Variants in FRY observed in about 807,000 individuals in gnomAD.
FRY encodes the protein protein furry homolog.
Under a neutral mutation model 348.4 loss-of-function variants are expected in FRY, and 128 were observed. That is an observed-to-expected ratio of 0.37 (90% CI 0.32 to 0.43). The LOEUF is 0.43. Ranked by LOEUF, FRY falls within the 20% of genes least tolerant of loss-of-function variation. The pLI is 1.00. For synonymous variants in FRY, 1,370 were observed against 1,374.7 expected (o/e 1.00, Z 0.08); for missense variants, 2,736 against 3,695.2 (o/e 0.74, Z 6.73).
At chr13:32,274,397 A>G (rs1458317875) in intron 55 of FRY, among the ~76,000 whole-genome samples, 1 of 152,184 alleles carries the variant, frequency 6.6e-6, no homozygotes, top group African/African-American at 2.4e-5. Context: ...GTAAACATAT[A>G]CAATTTTTAT....
intron 33 of FRY, among the ~76,000 whole-genome samples, chr13:32,210,611 C>G (rs970240905): frequency 6.6e-6 from 1 of 152,026 alleles, no homozygotes; most frequent in Non-Finnish European, 1.5e-5. Flanking sequence ...ATTCACGTAC[C>G]TCAAAAGTAA....
chr13:32,223,178 G>A (rs966427701), intron 36 of FRY, among the ~76,000 whole-genome samples: 11 of 151,884 alleles, frequency 7.2e-5, no homozygotes, highest in Non-Finnish European at 1.5e-4. Flanking sequence ...GGCTGGTCTC[G>A]AACTCCTGAC....
At chr13:32,159,837 T>C (rs1364739872) in intron 16 of FRY, among the ~76,000 whole-genome samples, 2 of 152,240 alleles carry the variant, frequency 1.3e-5, no homozygotes, top group African/African-American at 4.8e-5. Flanking sequence ...GCTCTAACAC[T>C]GTACAGCTAT....
chr13:32,173,244 A>G (rs1882193153), intron 18 of FRY, 123 bp from the exon 19 acceptor site: 1 of 710,918 alleles, frequency 1.4e-6, no homozygotes, highest in African/African-American at 1.8e-5. Context: ...TCTGGTTCTA[A>G]ACCATGGTCA....
In FRY at chr13:32,236,162, G is replaced by A. The variant is rs1045719298; in HGVS notation, c.5800G>A (p.Val1934Ile). 1.9e-6 allele frequency: 3 copies of A among 1,610,466 alleles called. No individual in the cohort carries two copies. Among genetic ancestry groups the A allele is most frequent in the African/African-American group, 1.3e-5 (1 of 74,822 alleles). ...DCLKNSDLLT[V>I]LSRSSSPDLS... ...CTTGAAGAACAGTGACCTCCTAACT[G>A]TATTGTCCCGGTGAGAATCAGCTTA... is the stretch of plus-strand genomic sequence containing the variant. Residue 1934 changes from valine to isoleucine, a missense_variant, in exon 43 of 61, where the codon GTA (valine) becomes ATA (isoleucine). Coordinates refer to ENST00000542859, the MANE Select transcript of FRY (RefSeq NM_023037.3).
intron 41 of FRY, among the ~76,000 whole-genome samples, chr13:32,233,530 A>G (rs1886031918): frequency 6.6e-6 from 1 of 152,092 alleles, no homozygotes; most frequent in Admixed American, 6.5e-5. Context: ...CAAAAGTTTA[A>G]ATTATGGCTG....
intron 13 of FRY, among the ~76,000 whole-genome samples, chr13:32,148,974 A>G (rs924704271): frequency 7.3e-5 from 11 of 151,548 alleles, no homozygotes; most frequent in Admixed American, 2.0e-4. Flanking sequence ...TGCTTTGTTT[A>G]TTCTGGAATA....
intron 3 of FRY, among the ~76,000 whole-genome samples, chr13:32,103,083 G>C (rs1319965928): frequency 1.3e-5 from 2 of 152,170 alleles, no homozygotes; most frequent in African/African-American, 4.8e-5. Context: ...TCTATTTTAT[G>C]AGCTGTTCTG....
At chr13:32,224,188 T>C in intron 36 of FRY, 47 bp from the exon 37 acceptor site, 1 of 1,510,756 alleles carries the variant, frequency 6.6e-7, no homozygotes, top group Non-Finnish European at 9.2e-7. Flanking sequence ...AGAAAACAAG[T>C]CTCCTCTCCC....
chr13:32,263,369 A>G (rs1271440426), intron 53 of FRY, among the ~76,000 whole-genome samples: 1 of 152,236 alleles, frequency 6.6e-6, no homozygotes, highest in Non-Finnish European at 1.5e-5. Context: ...TAGATCAGAA[A>G]TCTAGGAAAA....
rs138371641 is a variant in FRY at position 32,251,898 on chromosome 13, G to A, written c.7191G>A (p.Leu2397=). The part of the protein sequence containing the change: ...QYSQKRTKEK[L]VHVLSLCGQE... ...TCCAGAAGAGAACAAAAGAGAAGTT[G>A]GTACATGTCCTTTCTCTGTGTGGCC... Residue 2397 remains leucine, a synonymous_variant, in exon 50 of 61, where the codon TTG becomes TTA. Transcript: ENST00000542859. 8 of 1,612,594 alleles carry A rather than the reference G, an allele frequency of 5.0e-6. No homozygotes were observed. The East Asian group carries it at 1.6e-4, about 31-fold the overall frequency.
chr13:32,132,812 T>G (rs574053263), intron 8 of FRY, among the ~76,000 whole-genome samples: 5 of 152,266 alleles, frequency 3.3e-5, no homozygotes, highest in African/African-American at 1.2e-4. Flanking sequence ...GATGAATGGA[T>G]AGATAAAATG....
intron 32 of FRY, among the ~76,000 whole-genome samples, chr13:32,209,348 TA>T (rs770726475): frequency 6.6e-6 from 1 of 152,108 alleles, no homozygotes; most frequent in African/African-American, 2.4e-5. Flanking sequence ...AGAATGATAA[TA>T]AAAATAAAAA....
intron 39 of FRY, 113 bp downstream of exon 39, chr13:32,226,087 T>C: frequency 2.4e-6 from 2 of 829,022 alleles, no homozygotes; most frequent in Non-Finnish European, 4.1e-6. Context: ...CCTCCAACTT[T>C]CCACGTGGTA....
Position 32,239,887 on chromosome 13 carries a change from C to CTTTTTTTTTTTTTTTTTTTTTT in FRY, c.6687+17_6687+18insTTTTTTTTTTTTTTTTTTTTTT. 7.9e-7 allele frequency: 1 copy of CTTTTTTTTTTTTTTTTTTTTTT among 1,260,068 alleles called. No homozygotes were observed. Among genetic ancestry groups the CTTTTTTTTTTTTTTTTTTTTTT allele is most frequent in the Non-Finnish European group, 1.1e-6 (1 of 909,008 alleles). The allele number at this position is 1,260,068 out of a possible 1,614,324, so 78.1% of individuals were successfully genotyped here. A position where few individuals can be genotyped will look rare whatever the true frequency, so the allele number is the denominator to read the frequency against. ...TGGTTACCTACCTGGCAGAGGTAAG[C>CTTTTTTTTTTTTTTTTTTTTTT]TTTTTTTTTTTGTTTTTTGAGACAG... On this transcript the variant is annotated splice_region_variant and intron_variant, in intron 46 of 60. Transcript: ENST00000542859. The surrounding 1 kb of genome is among the most constrained non-coding windows in gnomAD (Gnocchi z 4.3).
In FRY at chr13:32,274,102, A is replaced by C. The variant is rs183378940; in HGVS notation, c.8137-740A>C. ...TCCACGCATTGGGAAATGGTATTTC[A>C]GGAAGAAATGTCCACACTGAATGAT... On this transcript the variant is annotated intron_variant, in intron 55 of 60. Transcript: ENST00000542859. Among the ~76,000 whole-genome samples, 344 of 152,354 alleles carry C rather than the reference A, an allele frequency of 2.3e-3. 1 individual carries two copies. The highest frequency in any genetic ancestry group is 3.6e-3 in the Admixed American group (55 of 15,300).
At chr13:32,272,831 G>A (rs891865370) in intron 55 of FRY, among the ~76,000 whole-genome samples, 3 of 152,000 alleles carry the variant, frequency 2.0e-5, no homozygotes, top group African/African-American at 7.3e-5. Flanking sequence ...CACCTCCCGG[G>A]TTCAAGCAAT....
chr13:32,102,083 A>G (rs1877199224), intron 3 of FRY, 67 bp downstream of exon 3: 25 of 885,314 alleles, frequency 2.8e-5, no homozygotes, highest in South Asian at 1.7e-4. Context: ...CAAGGTCTGC[A>G]TGCTCACTAT....
chr13:32,121,331 T>G (rs1878636893), intron 4 of FRY, among the ~76,000 whole-genome samples: 1 of 152,250 alleles, frequency 6.6e-6, no homozygotes, highest in South Asian at 2.1e-4. Context: ...CTTTTAGTTC[T>G]TTATGGAATC....
Sources: gnomAD v4.1 joint callset for allele counts (sites outside exome capture counted in the v4.1 genomes callset) on GRCh38, gnomAD v4.1.1 for gene constraint, Gnocchi (gnomAD v3.1) non-coding constraint, MANE v1.5 for transcripts, NCBI Gene and HGNC (gene_info 2026-07-23, HGNC 2026-07-21) for gene names.